Variants in LIMS1 observed in about 807,000 individuals in gnomAD.
LIMS1 encodes the protein LIM zinc finger domain containing 1, also known as LIM and senescent cell antigen-like-containing domain protein 1.
A neutral mutation model predicts 44.1 loss-of-function variants in LIMS1; 18 were observed. The observed-to-expected ratio is 0.41, with a 90% confidence interval of 0.28 to 0.61. The LOEUF is 0.61. Among genes scored for constraint, LIMS1 ranks in the 20% least tolerant of loss-of-function variants. The pLI is 0.32. For synonymous variants in LIMS1, 93 were observed against 149.1 expected (o/e 0.62, Z 2.74); for missense variants, 201 against 422.0 (o/e 0.48, Z 4.59).
intron 1 of LIMS1, among the ~76,000 whole-genome samples, chr2:108,642,841 A>C (rs998260626): frequency 6.6e-6 from 1 of 152,158 alleles, no homozygotes; most frequent in Non-Finnish European, 1.5e-5. Context: ...TTTGACTAAA[A>C]TCATGAAGTT....
At chr2:108,615,332 A>G (rs1275868835) in intron 1 of LIMS1, among the ~76,000 whole-genome samples, 1 of 152,134 alleles carries the variant, frequency 6.6e-6, no homozygotes, top group African/African-American at 2.4e-5. Flanking sequence ...AGTTTACTAC[A>G]TTGAGTGAGA....
intron 1 of LIMS1, among the ~76,000 whole-genome samples, chr2:108,545,770 A>G (rs550826656): frequency 2.6e-5 from 4 of 152,226 alleles, no homozygotes; most frequent in African/African-American, 7.2e-5. Context: ...CACCTCTTTC[A>G]TAATAAATGG....
intron 1 of LIMS1, among the ~76,000 whole-genome samples, chr2:108,560,621 G>A (rs903067895): frequency 2.0e-5 from 3 of 151,818 alleles, no homozygotes; most frequent in African/African-American, 4.8e-5. Context: ...CTCCCTGCTT[G>A]CTTTTCTCCT....
intron 1 of LIMS1, among the ~76,000 whole-genome samples, chr2:108,622,808 G>T (rs1343127824): frequency 6.6e-6 from 1 of 151,958 alleles, no homozygotes; most frequent in Non-Finnish European, 1.5e-5. Context: ...AGATTTCGGG[G>T]TTTGGAGGAA....
intron 1 of LIMS1, among the ~76,000 whole-genome samples, chr2:108,591,133 T>G: frequency 6.6e-6 from 1 of 152,096 alleles, no homozygotes; most frequent in Non-Finnish European, 1.5e-5. Context: ...AGAGAATGGA[T>G]TAGAAGGACT....
chr2:108,684,585 G>T (rs1211984232), exon 10 of LIMS1: 1 of 151,958 alleles, frequency 6.6e-6, no homozygotes, highest in Admixed American at 6.6e-5. Flanking sequence ...TAATTATTAT[G>T]CTTAGTTTTA....
intron 1 of LIMS1, among the ~76,000 whole-genome samples, chr2:108,645,543 CA>C (rs1451575140): frequency 6.6e-6 from 1 of 152,176 alleles, no homozygotes; most frequent in African/African-American, 2.4e-5. Context: ...AAAAACTTAC[CA>C]AATTGTAAAG....
At chr2:108,607,362 A>C (rs1367837651) in intron 1 of LIMS1, 3 of 1,036,142 alleles carry the variant, frequency 2.9e-6, no homozygotes, top group Non-Finnish European at 4.4e-6. Context: ...TAAATAGTAC[A>C]TGTGTGCACA....
intron 1 of LIMS1, among the ~76,000 whole-genome samples, chr2:108,552,307 ATATATATGAAAC>A (rs1684778305): frequency 7.0e-6 from 1 of 142,708 alleles, no homozygotes; most frequent in African/African-American, 2.6e-5. Flanking sequence ...TACGTGTAGT[ATATATATGAAAC>A]TATATATATA....
At chr2:108,566,826 A>G (rs557972793) in intron 1 of LIMS1, among the ~76,000 whole-genome samples, 1 of 152,040 alleles carries the variant, frequency 6.6e-6, no homozygotes, top group Non-Finnish European at 1.5e-5. Flanking sequence ...CAAACTCCTG[A>G]CCTCAGGTGA....
chr2:108,620,020 C>T (rs749101769), intron 1 of LIMS1, among the ~76,000 whole-genome samples: 3 of 152,108 alleles, frequency 2.0e-5, no homozygotes, highest in Admixed American at 6.5e-5. Flanking sequence ...TAAATTTTTT[C>T]CCTGCATCTT....
intron 1 of LIMS1, among the ~76,000 whole-genome samples, chr2:108,601,374 C>T (rs544912979): frequency 2.6e-5 from 4 of 152,242 alleles, no homozygotes; most frequent in South Asian, 2.1e-4. Context: ...CATGAAGTTT[C>T]GGTGCAGTCT....
chr2:108,673,154 C>T lies in LIMS1; in HGVS notation c.530+125C>T. 2.9e-6 allele frequency: 4 copies of T among 1,391,838 alleles called. No homozygotes were observed. The South Asian group carries it at 3.9e-5, about 14-fold the overall frequency. 86.2% of individuals were successfully genotyped at this position (1,391,838 alleles called of 1,614,324 possible). ...AATTTTTAGTCTAGAAAATTTTAAA[C>T]CTATAGACGAGTCAAGAGAATGATA... On this transcript the variant is annotated intron_variant, in intron 5 of 9. Coordinates refer to ENST00000544547, the Ensembl canonical transcript of LIMS1.
intron 1 of LIMS1, among the ~76,000 whole-genome samples, chr2:108,629,689 T>G (rs908566260): frequency 1.3e-5 from 2 of 152,184 alleles, no homozygotes; most frequent in Non-Finnish European, 2.9e-5. Flanking sequence ...AAGAAAGGCT[T>G]GGTCCATTCA....
At position 108,634,014 on chromosome 2, in the gene LIMS1, G is replaced by A. The variant is rs535168611; in HGVS notation, c.33-25591G>A. ...GAAGTAGTATTTCTTGGAGGTTTGTGTTTGAGATGGGGACTGGATGCTGGC... is the reference window on the plus strand; with the variant it reads ...GAAGTAGTATTTCTTGGAGGTTTGTATTTGAGATGGGGACTGGATGCTGGC... On this transcript the variant is annotated intron_variant, in intron 1 of 9. Transcript: ENST00000544547. Among the ~76,000 whole-genome samples the A allele has an allele frequency of 3.9e-5, 6 of 152,306 alleles. No homozygotes were observed. In the South Asian group the frequency reaches 1.2e-3, roughly 32 times the overall value.
chr2:108,561,230 A>G (rs1685099865), intron 1 of LIMS1, among the ~76,000 whole-genome samples: 1 of 152,206 alleles, frequency 6.6e-6, no homozygotes, highest in Non-Finnish European at 1.5e-5. Context: ...CATTCCCACC[A>G]GCAGTGTATA....
At chr2:108,659,401 C>G (rs1185599287) in intron 1 of LIMS1, among the ~76,000 whole-genome samples, 1 of 152,102 alleles carries the variant, frequency 6.6e-6, no homozygotes, top group Non-Finnish European at 1.5e-5. Flanking sequence ...GTGGGACACC[C>G]TTACAGAGCC....
intron 1 of LIMS1, among the ~76,000 whole-genome samples, chr2:108,557,716 A>G (rs1247735972): frequency 5.3e-5 from 8 of 151,976 alleles, no homozygotes; most frequent in Admixed American, 5.2e-4. Flanking sequence ...GGGTTTCACC[A>G]TGTTGCCCAG....
chr2:108,597,608 T>C (rs1686777820), intron 1 of LIMS1, among the ~76,000 whole-genome samples: 1 of 152,170 alleles, frequency 6.6e-6, no homozygotes, highest in African/African-American at 2.4e-5. Context: ...ACACACAGAC[T>C]GTCTCTACCT....
Sources: gnomAD v4.1 joint callset for allele counts (sites outside exome capture counted in the v4.1 genomes callset) on GRCh38, gnomAD v4.1.1 for gene constraint, MANE v1.5 for transcripts, NCBI Gene and HGNC (gene_info 2026-07-23, HGNC 2026-07-21) for gene names.